Variants in AFG2A observed in about 807,000 individuals in gnomAD.
The protein encoded by AFG2A is ATPase family gene 2 protein homolog A.
chr4:123,036,155 T>C, the AFG2A span, among the ~76,000 whole-genome samples: 1 of 152,176 alleles, frequency 6.6e-6, no homozygotes, highest in Admixed American at 6.5e-5. Context: ...AACAAAGATA[T>C]ATTAGATGGG....
At chr4:123,142,061 CA>C in the AFG2A span, among the ~76,000 whole-genome samples, 2 of 152,138 alleles carry the variant, frequency 1.3e-5, no homozygotes, top group African/African-American at 4.8e-5. Context: ...TATATAGACA[CA>C]ACTGGGACAG....
the AFG2A span, among the ~76,000 whole-genome samples, chr4:123,159,252 A>G: frequency 6.6e-6 from 1 of 150,386 alleles, no homozygotes; most frequent in Non-Finnish European, 1.5e-5. Context: ...CAAGTTTTTA[A>G]TCTGATATTA....
the AFG2A span, among the ~76,000 whole-genome samples, chr4:123,071,469 A>T: frequency 7.5e-6 from 1 of 133,946 alleles, no homozygotes; most frequent in African/African-American, 2.7e-5. Context: ...AACAAGAGCG[A>T]AACTCCGTCC....
chr4:123,255,981 C>T, the AFG2A span: 70 of 1,611,198 alleles, frequency 4.3e-5, no homozygotes, highest in Non-Finnish European at 5.3e-5. Context: ...CAGTTCTGAG[C>T]CCAGTTAATT....
the AFG2A span, among the ~76,000 whole-genome samples, chr4:123,228,033 C>G: frequency 0.014 from 2,188 of 152,130 alleles, 61 homozygotes; most frequent in African/African-American, 0.049. Context: ...AGGATTGCAA[C>G]CCCTGCCTTT....
At chr4:123,233,253 T>TA in the AFG2A span, among the ~76,000 whole-genome samples, 1 of 151,286 alleles carries the variant, frequency 6.6e-6, no homozygotes, top group Non-Finnish European at 1.5e-5. Context: ...TTATTTTCTT[T>TA]AAAAAAATTA....
chr4:123,311,215 G>C, the AFG2A span, among the ~76,000 whole-genome samples: 1 of 152,278 alleles, frequency 6.6e-6, no homozygotes, highest in Non-Finnish European at 1.5e-5. Flanking sequence ...GAGGCCCCAA[G>C]TTACAAACAT....
chr4:123,012,901 G>A, the AFG2A span, among the ~76,000 whole-genome samples: 26 of 151,612 alleles, frequency 1.7e-4, no homozygotes, highest in East Asian at 1.4e-3. Context: ...GGAGAATAGC[G>A]GACTGATCTC....
chr4:123,058,042 A>G, the AFG2A span, among the ~76,000 whole-genome samples: 1 of 152,224 alleles, frequency 6.6e-6, no homozygotes, highest in Non-Finnish European at 1.5e-5. Context: ...GTGATATGAA[A>G]CATTGCTGTT....
At chr4:123,094,645 A>G in the AFG2A span, among the ~76,000 whole-genome samples, 1 of 152,112 alleles carries the variant, frequency 6.6e-6, no homozygotes, top group Non-Finnish European at 1.5e-5. Context: ...ACAGGAGCTG[A>G]CAAAAAAGCT....
At chr4:123,291,056 T>C in the AFG2A span, among the ~76,000 whole-genome samples, 109,696 of 152,086 alleles carry the variant, frequency 0.72, 40,826 homozygotes, top group Non-Finnish European at 0.81. Flanking sequence ...TGACCCTCTT[T>C]GGGTTTTTTG....
the AFG2A span, among the ~76,000 whole-genome samples, chr4:122,959,349 A>G: frequency 2.6e-5 from 4 of 152,206 alleles, no homozygotes; most frequent in Admixed American, 6.5e-5. Context: ...TTTTTCAGTT[A>G]TGTATAATGG....
the AFG2A span, among the ~76,000 whole-genome samples, chr4:123,187,178 A>C: frequency 6.0e-4 from 91 of 152,310 alleles, 3 homozygotes; most frequent in Admixed American, 4.0e-3. Context: ...GTCAATGCTC[A>C]CTTTAGCTTG....
At chr4:123,280,972 TAAATTTTCA>T in the AFG2A span, among the ~76,000 whole-genome samples, 1 of 152,186 alleles carries the variant, frequency 6.6e-6, no homozygotes, top group South Asian at 2.1e-4. Flanking sequence ...GCTGGTACCA[TAAATTTTCA>T]GATATTACCA....
the AFG2A span, among the ~76,000 whole-genome samples, chr4:123,177,830 C>T: frequency 6.6e-6 from 1 of 152,178 alleles, no homozygotes; most frequent in South Asian, 2.1e-4. Flanking sequence ...AGCCGCATGG[C>T]CGCATAGGGG....
chr4:123,063,302 A>T, the AFG2A span, among the ~76,000 whole-genome samples: 1 of 152,230 alleles, frequency 6.6e-6, no homozygotes, highest in Non-Finnish European at 1.5e-5. Context: ...ATAGGAAAAC[A>T]GAGAAAAATT....
the AFG2A span, among the ~76,000 whole-genome samples, chr4:122,954,480 C>T: frequency 6.6e-6 from 1 of 152,192 alleles, no homozygotes; most frequent in African/African-American, 2.4e-5. Flanking sequence ...GGGCTTATCC[C>T]AGTCCTCACT....
At chr4:123,016,658 GCTC>G in the AFG2A span, among the ~76,000 whole-genome samples, 1 of 150,428 alleles carries the variant, frequency 6.6e-6, no homozygotes, top group South Asian at 2.1e-4. Flanking sequence ...AGGCAGAGGG[GCTC>G]CTCACGTCCC....
the AFG2A span, among the ~76,000 whole-genome samples, chr4:123,217,607 G>A: frequency 6.6e-6 from 1 of 152,168 alleles, no homozygotes; most frequent in Admixed American, 6.5e-5. Flanking sequence ...TCTGTGGGGA[G>A]ACTGTAGTTA....
Sources: gnomAD v4.1 joint callset for allele counts (sites outside exome capture counted in the v4.1 genomes callset) on GRCh38, gnomAD v4.1.1 for gene constraint, MANE v1.5 for transcripts, NCBI Gene and HGNC (gene_info 2026-07-23, HGNC 2026-07-21) for gene names.